CNTNAP2: variants seen among roughly 807,000 people sequenced by gnomAD.
CNTNAP2 encodes contactin associated protein 2.
In CNTNAP2, 98 loss-of-function variants were observed where a neutral mutation model predicts 155.2. The ratio of observed to expected loss-of-function variants is 0.63; its 90% CI spans 0.54 to 0.75. The LOEUF (loss-of-function observed/expected upper bound fraction) is 0.75, where lower values mean the gene tolerates loss of function less well. Among genes scored for constraint, CNTNAP2 ranks in the 30% least tolerant of loss-of-function variants. The pLI, the probability that CNTNAP2 is intolerant of heterozygous loss-of-function variation, is 0.00. For synonymous variants in CNTNAP2, 651 were observed against 631.2 expected (o/e 1.03, Z -0.47); for missense variants, 1,727 against 1,688.1 (o/e 1.02, Z -0.40).
intron 8 of CNTNAP2, among the ~76,000 whole-genome samples, chr7:147,237,086 GAC>G (rs1803826000): frequency 4.6e-5 from 1 of 21,864 alleles, no homozygotes; most frequent in Admixed American, 4.7e-4. Context: ...TTTTTTTTTT[GAC>G]AGTGTCTTGC....
intron 13 of CNTNAP2, among the ~76,000 whole-genome samples, chr7:147,817,143 A>AAGTT (rs1296759586): frequency 7.2e-5 from 11 of 152,200 alleles, no homozygotes; most frequent in African/African-American, 2.4e-4. Flanking sequence ...TTTCTGCCAA[A>AAGTT]AGTTAATGAC....
At chr7:147,013,125 A>G (rs931794291) in intron 3 of CNTNAP2, among the ~76,000 whole-genome samples, 4 of 152,168 alleles carry the variant, frequency 2.6e-5, no homozygotes, top group Non-Finnish European at 5.9e-5. Context: ...TAATTATATG[A>G]TAGCAAGTAT....
chr7:147,595,902 T>A (rs1800818437), intron 12 of CNTNAP2, among the ~76,000 whole-genome samples: 1 of 152,192 alleles, frequency 6.6e-6, no homozygotes, highest in Non-Finnish European at 1.5e-5. Flanking sequence ...AAAGTTGGAG[T>A]TCCTGAGGCC....
chr7:147,174,488 C>T (rs1031392461), intron 8 of CNTNAP2, among the ~76,000 whole-genome samples: 19 of 152,112 alleles, frequency 1.2e-4, no homozygotes, highest in African/African-American at 4.1e-4. Flanking sequence ...AGACAACACC[C>T]AACAGATATT....
chr7:147,525,987 G>A (rs1011283197), intron 11 of CNTNAP2, among the ~76,000 whole-genome samples: 4 of 152,010 alleles, frequency 2.6e-5, no homozygotes, highest in Non-Finnish European at 5.9e-5. Context: ...GAGGTCAGGA[G>A]TTTGACACCA....
intron 9 of CNTNAP2, among the ~76,000 whole-genome samples, chr7:147,349,483 G>C (rs975600017): frequency 2.6e-5 from 4 of 151,768 alleles, no homozygotes; most frequent in Non-Finnish European, 1.5e-5. Context: ...CTATTTTGTA[G>C]GGTGAATTTC....
intron 1 of CNTNAP2, among the ~76,000 whole-genome samples, chr7:146,478,500 AG>A (rs1188223013): frequency 4.6e-5 from 7 of 152,102 alleles, no homozygotes; most frequent in East Asian, 1.9e-4. Context: ...TATGAGATCT[AG>A]GTATTAACCC....
chr7:146,152,264 TAGAA>T (rs1316779348), intron 1 of CNTNAP2, among the ~76,000 whole-genome samples: 2 of 151,982 alleles, frequency 1.3e-5, no homozygotes, highest in Non-Finnish European at 2.9e-5. Flanking sequence ...AAGCCAGACA[TAGAA>T]AGACAATCAC....
At chr7:146,220,457 C>G (rs1397089409) in intron 1 of CNTNAP2, among the ~76,000 whole-genome samples, 2 of 152,100 alleles carry the variant, frequency 1.3e-5, no homozygotes, top group African/African-American at 2.4e-5. Context: ...TTCAAGTCAG[C>G]CACAGCAACT....
chr7:148,405,225 C>G (rs1799671332), intron 22 of CNTNAP2, among the ~76,000 whole-genome samples: 1 of 152,110 alleles, frequency 6.6e-6, no homozygotes, highest in Non-Finnish European at 1.5e-5. Flanking sequence ...GAGAGAAATC[C>G]AGCTCAAGGG....
chr7:147,613,799 C>T (rs187151446), intron 12 of CNTNAP2, among the ~76,000 whole-genome samples: 213 of 152,102 alleles, frequency 1.4e-3, no homozygotes, highest in African/African-American at 4.9e-3. Flanking sequence ...GCCAAAATCT[C>T]GCTACTACAC....
intron 8 of CNTNAP2, among the ~76,000 whole-genome samples, chr7:147,211,808 T>G (rs1412679931): frequency 2.0e-5 from 3 of 152,070 alleles, no homozygotes; most frequent in Non-Finnish European, 4.4e-5. Flanking sequence ...ACAGGTGGGA[T>G]CCAATTAAAC....
intron 20 of CNTNAP2, among the ~76,000 whole-genome samples, chr7:148,253,735 T>C (rs893430946): frequency 6.6e-6 from 1 of 152,126 alleles, no homozygotes; most frequent in Non-Finnish European, 1.5e-5. Flanking sequence ...ATGGGATGAG[T>C]GTACTACTGG....
intron 13 of CNTNAP2, among the ~76,000 whole-genome samples, chr7:147,780,833 T>G (rs1329599375): frequency 6.6e-6 from 1 of 152,210 alleles, no homozygotes; most frequent in Non-Finnish European, 1.5e-5. Context: ...GGAAGTGTTT[T>G]GTTTGTTTGT....
chr7:146,630,765 A>T (rs912185967), intron 1 of CNTNAP2, among the ~76,000 whole-genome samples: 7 of 152,062 alleles, frequency 4.6e-5, no homozygotes, highest in African/African-American at 1.7e-4. Context: ...ATTCCCATGT[A>T]CCAACAATAG....
intron 1 of CNTNAP2, among the ~76,000 whole-genome samples, chr7:146,265,201 A>T (rs1236614326): frequency 6.6e-6 from 1 of 152,160 alleles, no homozygotes; most frequent in Non-Finnish European, 1.5e-5. Flanking sequence ...ACATAATACC[A>T]TTATGACATA....
intron 20 of CNTNAP2, 127 bp from the exon 21 acceptor site, chr7:148,266,906 C>T: frequency 1.2e-6 from 1 of 857,780 alleles, no homozygotes; most frequent in Non-Finnish European, 2.0e-6. Flanking sequence ...GTTTTAGAGT[C>T]AGTGCTGATG....
intron 1 of CNTNAP2, among the ~76,000 whole-genome samples, chr7:146,455,361 A>G (rs1303283647): frequency 6.6e-6 from 1 of 152,176 alleles, no homozygotes. Flanking sequence ...TGTATCTGCC[A>G]TCTCTTTCTA....
chr7:147,907,214 G>A (rs1226998096), intron 14 of CNTNAP2, among the ~76,000 whole-genome samples: 3 of 151,880 alleles, frequency 2.0e-5, no homozygotes, highest in East Asian at 1.9e-4. Flanking sequence ...CCACCACCAC[G>A]CCTGGCTTAT....
Sources: allele counts gnomAD v4.1 joint callset (sites outside exome capture counted in the v4.1 genomes callset), GRCh38; gene constraint gnomAD v4.1.1; transcripts MANE v1.5; gene names NCBI Gene and HGNC (gene_info 2026-07-23, HGNC 2026-07-21).